Variants in MGST1 observed in about 807,000 individuals in gnomAD.
MGST1 encodes the protein glutathione S-transferase 12.
A neutral mutation model predicts 8.9 loss-of-function variants in MGST1; 5 were observed. The observed-to-expected ratio is 0.56, with a 90% CI of 0.29 to 1.19. The LOEUF (loss-of-function observed/expected upper bound fraction) is 1.19, where lower values mean the gene tolerates loss of function less well. Among genes scored for constraint, MGST1 ranks in the 50% most tolerant of loss-of-function variants. The probability of loss-of-function intolerance (pLI) is 0.08; values close to 1 mark genes in which losing one functional copy is unlikely to be tolerated. For synonymous variants in MGST1, 54 were observed against 67.8 expected (o/e 0.80, Z 1.00); for missense variants, 182 against 187.4 (o/e 0.97, Z 0.17).
chr12:16,482,532 G>A lies in MGST1; in HGVS notation n.482+98928G>A, dbSNP rs748518808. Reference sequence around the variant, plus strand: ...TGTAATCCTAGCTACTCGGGAGGCCGAGGCAGGAGAATTGCTTGAAACTGG... The same window carrying A: ...TGTAATCCTAGCTACTCGGGAGGCCAAGGCAGGAGAATTGCTTGAAACTGG... On this transcript the variant is annotated intron_variant and non_coding_transcript_variant, in intron 4 of 4. Transcript: ENST00000538857. The surrounding 1 kb of genome is among the most constrained non-coding windows in gnomAD (Gnocchi z 4.2). 1.3e-5 allele frequency among the ~76,000 whole-genome samples: 2 copies of A among 152,010 alleles called. No individual in the cohort carries two copies. Among genetic ancestry groups the A allele is most frequent in the South Asian group, 2.1e-4 (1 of 4,824 alleles).
At chr12:16,480,387 C>T (rs1363911580) in intron 4 of MGST1, among the ~76,000 whole-genome samples, 1 of 151,788 alleles carries the variant, frequency 6.6e-6, no homozygotes, top group African/African-American at 2.4e-5. Flanking sequence ...GTGATCTGCC[C>T]ATCTCAATCT....
intron 4 of MGST1, among the ~76,000 whole-genome samples, chr12:16,511,368 C>T (rs1216146234): frequency 1.3e-5 from 2 of 152,212 alleles, no homozygotes; most frequent in South Asian, 2.1e-4. Flanking sequence ...CAGATTCATT[C>T]GGCTCCTGAA....
Position 16,546,454 on chromosome 12 carries a change from T to C in MGST1, n.483-43074T>C, listed in dbSNP as rs1456421565. ...AAGTGCAGAGAATTCCAATTCACTT[T>C]TGAATGTAATGATCTGAACCAAACA... is the stretch of plus-strand genomic sequence containing the variant. On this transcript the variant is annotated intron_variant and non_coding_transcript_variant, in intron 4 of 4. Coordinates refer to the MGST1 transcript ENST00000538857. The surrounding 1 kb of genome is among the most constrained non-coding windows in gnomAD (Gnocchi z 4.7). 3.3e-5 allele frequency among the ~76,000 whole-genome samples: 5 copies of C among 152,130 alleles called. No individual in the cohort carries two copies. The highest frequency in any genetic ancestry group is 7.4e-5 in the Non-Finnish European group (5 of 67,990).
At chr12:16,492,431 G>A (rs528051838) in intron 4 of MGST1, among the ~76,000 whole-genome samples, 3 of 152,174 alleles carry the variant, frequency 2.0e-5, no homozygotes, top group Admixed American at 6.5e-5. Context: ...GCCAATTGCC[G>A]TCTGACCTCT....
chr12:16,453,332 T>C (rs1031672389), intron 4 of MGST1, among the ~76,000 whole-genome samples: 1 of 151,936 alleles, frequency 6.6e-6, no homozygotes, highest in Admixed American at 6.6e-5. Flanking sequence ...TTATTCTCGA[T>C]TCGAGACTCT....
chr12:16,353,491 A>G (rs1939564585), intron 1 of MGST1: 2 of 152,208 alleles, frequency 1.3e-5, no homozygotes, highest in East Asian at 1.9e-4. Flanking sequence ...CCAAAGCAGG[A>G]TACATAAGAA....
At chr12:16,577,196 CATG>C (rs1943020665) in intron 4 of MGST1, among the ~76,000 whole-genome samples, 1 of 152,138 alleles carries the variant, frequency 6.6e-6, no homozygotes, top group South Asian at 2.1e-4. Flanking sequence ...TAACAAACAG[CATG>C]ATATTATATA....
intron 4 of MGST1, among the ~76,000 whole-genome samples, chr12:16,444,381 C>T (rs921395060): frequency 5.9e-5 from 9 of 151,784 alleles, no homozygotes; most frequent in African/African-American, 2.2e-4. Flanking sequence ...CTGCCCAAGC[C>T]ATTTGCCACT....
At chr12:16,566,843 C>T (rs954924400) in intron 4 of MGST1, among the ~76,000 whole-genome samples, 4 of 152,130 alleles carry the variant, frequency 2.6e-5, no homozygotes, top group East Asian at 3.8e-4. Flanking sequence ...GCAGATACTA[C>T]ACTGAATGAA....
At chr12:16,358,569 C>T (rs1939834556) in intron 3 of MGST1, among the ~76,000 whole-genome samples, 1 of 151,540 alleles carries the variant, frequency 6.6e-6, no homozygotes, top group Non-Finnish European at 1.5e-5. Context: ...TGGGTTCAAA[C>T]CATTCTCCTG....
intron 4 of MGST1, among the ~76,000 whole-genome samples, chr12:16,509,216 T>A (rs570341199): frequency 6.6e-6 from 1 of 152,186 alleles, no homozygotes; most frequent in Non-Finnish European, 1.5e-5. Flanking sequence ...GTGTTAATAA[T>A]GAAATATAAC....
intron 4 of MGST1, among the ~76,000 whole-genome samples, chr12:16,491,694 G>T (rs960202329): frequency 2.6e-5 from 4 of 152,124 alleles, no homozygotes; most frequent in Admixed American, 6.6e-5. Flanking sequence ...TCAAGTTCAA[G>T]GTGATGTGAA....
Position 16,544,219 on chromosome 12 carries a change from A to G in MGST1, n.483-45309A>G, listed in dbSNP as rs1354915469. On this transcript the variant is annotated intron_variant and non_coding_transcript_variant, in intron 4 of 4. Coordinates refer to the MGST1 transcript ENST00000538857. The surrounding 1 kb of genome is among the most constrained non-coding windows in gnomAD (Gnocchi z 4.8). ...TTTTAAATTGACACCTTAAGTAAGAACTACACACACACACACACACACACA... is the reference window on the plus strand; with the variant it reads ...TTTTAAATTGACACCTTAAGTAAGAGCTACACACACACACACACACACACA... 9.6e-6 allele frequency among the ~76,000 whole-genome samples: 1 copy of G among 104,030 alleles called. No individual in the cohort carries two copies. The highest frequency in any genetic ancestry group is 5.0e-5 in the African/African-American group (1 of 20,172). 68.2% of individuals were successfully genotyped at this position (104,030 alleles called of 152,430 possible).
chr12:16,506,780 C>G (rs1941539949), intron 4 of MGST1, among the ~76,000 whole-genome samples: 1 of 152,156 alleles, frequency 6.6e-6, no homozygotes. Context: ...TTTTTCTTGA[C>G]TGAACACTGG....
At chr12:16,511,161 A>G (rs1385286377) in intron 4 of MGST1, among the ~76,000 whole-genome samples, 1 of 152,228 alleles carries the variant, frequency 6.6e-6, no homozygotes, top group Non-Finnish European at 1.5e-5. Context: ...AGCCGAGCTG[A>G]AAGTGTTAGG....
chr12:16,390,341 A>G lies in MGST1; in HGVS notation n.778+6737A>G, dbSNP rs116389007. On this transcript the variant is annotated intron_variant and non_coding_transcript_variant, in intron 1 of 1. Coordinates refer to the MGST1 transcript ENST00000359720. ...AACTCTAAACATATGCATATTTGCT[A>G]TATAGGCAAACTCATGTCTTGGGGG... Among the ~76,000 whole-genome samples the G allele has an allele frequency of 9.1e-4, 139 of 152,342 alleles. 1 individual carries two copies. Among genetic ancestry groups the G allele is most frequent in the African/African-American group, 3.3e-3 (136 of 41,580 alleles).
chr12:16,401,106 C>A lies in MGST1; in HGVS notation n.778+17502C>A, dbSNP rs879232846. The stretch of plus-strand genomic sequence containing the variant: ...CTGCCTCATCTTTCTCCTCCTCCTC[C>A]TTTTCCTCATCTTCGTTCCTTAGGA... On this transcript the variant is annotated intron_variant and non_coding_transcript_variant, in intron 1 of 1. Coordinates refer to the MGST1 transcript ENST00000359720. The surrounding 1 kb of genome is among the most constrained non-coding windows in gnomAD (Gnocchi z 4.3). 3 of 1,582,574 alleles carry A rather than the reference C, an allele frequency of 1.9e-6. No homozygotes were observed. Among genetic ancestry groups the A allele is most frequent in the Non-Finnish European group, 2.6e-6 (3 of 1,151,926 alleles).
intron 4 of MGST1, among the ~76,000 whole-genome samples, chr12:16,489,708 C>T (rs1301738166): frequency 1.3e-5 from 2 of 152,132 alleles, no homozygotes; most frequent in Non-Finnish European, 2.9e-5. Context: ...AGAGGTAGAG[C>T]AGGCAGAGAC....
downstream of MGST1, among the ~76,000 whole-genome samples, chr12:16,442,020 G>C (rs1183736882): frequency 6.6e-6 from 1 of 151,762 alleles, no homozygotes; most frequent in East Asian, 1.9e-4. The surrounding 1 kb of genome is among the most constrained non-coding windows in gnomAD (Gnocchi z 4.5). Context: ...TACGTGTGTG[G>C]TGGTATTTCA....
Sources: allele counts gnomAD v4.1 joint callset (sites outside exome capture counted in the v4.1 genomes callset), GRCh38; gene constraint gnomAD v4.1.1; non-coding constraint Gnocchi (gnomAD v3.1); transcripts MANE v1.5; gene names NCBI Gene and HGNC (gene_info 2026-07-23, HGNC 2026-07-21).